The following RDH13 variants were observed in gnomAD, a reference collection of about 807,000 sequenced individuals.
The protein encoded by RDH13 is retinol dehydrogenase 13 (all-trans and 9-cis).
A neutral mutation model predicts 28.3 loss-of-function variants in RDH13; 35 were observed. The ratio of observed to expected loss-of-function variants is 1.24; its 90% confidence interval spans 0.95 to 1.64. RDH13 has a LOEUF of 1.64. Among genes scored for constraint, RDH13 ranks in the 40% most tolerant of loss-of-function variants. RDH13 has a pLI of 0.00. For synonymous variants in RDH13, 229 were observed against 198.5 expected, an observed-to-expected ratio of 1.15 and a Z score of -1.29; for missense variants, 514 against 446.3, an observed-to-expected ratio of 1.15 and a Z score of -1.37.
At chr19:55,061,848 T>A (rs2075816960) in intron 1 of RDH13, among the ~76,000 whole-genome samples, 1 of 150,608 alleles carries the variant, frequency 6.6e-6, no homozygotes, top group African/African-American at 2.4e-5. Flanking sequence ...CCGGGCACGG[T>A]GGCTCACGCC....
intron 2 of RDH13, among the ~76,000 whole-genome samples, chr19:55,057,525 TG>T (rs2075677307): frequency 6.6e-6 from 1 of 151,006 alleles, no homozygotes; most frequent in East Asian, 2.0e-4. Flanking sequence ...CTCCACCTCC[TG>T]GGTTCAAGCA....
Position 55,044,691 on chromosome 19 carries a change from A to C in RDH13, c.*383T>G. On this transcript the variant is annotated 3_prime_UTR_variant, in exon 7 of 7. Transcript: ENST00000415061. The stretch of plus-strand genomic sequence containing the variant: ...TCCCACAGGGACCCAAGAATCCACC[A>C]AGTGTCAGACAACTTGCCCATGCTC... The C allele has an allele frequency of 4.3e-6, 1 of 233,614 alleles. No homozygotes were observed. The allele number at this position is 233,614 out of a possible 1,614,324, so 14.5% of individuals were successfully genotyped here. A position where few individuals can be genotyped will look rare whatever the true frequency, so the allele number is the denominator to read the frequency against.
intron 3 of RDH13, among the ~76,000 whole-genome samples, chr19:55,049,055 C>T (rs186067232): frequency 1.6e-3 from 238 of 152,214 alleles, no homozygotes; most frequent in Middle Eastern, 3.4e-3. Context: ...GGGCCGCCCC[C>T]GCTGGAAGTG....
At position 55,060,201 on chromosome 19, in the gene RDH13, C is replaced by G. The variant is rs1030954348; in HGVS notation, c.66-926G>C. Among the ~76,000 whole-genome samples, 51 of 140,014 alleles carry G rather than the reference C, an allele frequency of 3.6e-4. 1 individual carries two copies. Among genetic ancestry groups the G allele is most frequent in the African/African-American group, 1.3e-3 (48 of 37,980 alleles). 91.9% of individuals were successfully genotyped at this position (140,014 alleles called of 152,430 possible). ...AGAGAGGAAGGCCACTGTCTCCTGCCTGACCCTGGGAACTGAATGTCTCGG... is the reference window on the plus strand; with the variant it reads ...AGAGAGGAAGGCCACTGTCTCCTGCGTGACCCTGGGAACTGAATGTCTCGG... On this transcript the variant is annotated intron_variant, in intron 1 of 6. Transcript: ENST00000415061.
chr19:55,041,160 G>A (rs949369346), downstream of RDH13: 1 of 152,152 alleles, frequency 6.6e-6, no homozygotes, highest in African/African-American at 2.4e-5. Flanking sequence ...GTTTTTTGTA[G>A]AGTTGGGGTT....
chr19:55,063,169 C>G, upstream of RDH13: 1 of 780,304 alleles, frequency 1.3e-6, no homozygotes, highest in African/African-American at 1.8e-5. Context: ...GGGCCCGCGT[C>G]CGGAACTGGG....
rs1303290349 is a variant in RDH13 at position 55,056,770 on chromosome 19, A to AC, written c.222dup (p.Cys75ValfsTer2). ...CGGATGTCCTTTGCTGCCGCCTCAC[A>AC]CTTCTCCATGTCTCGGCAGGCCAGG... On this transcript the variant is annotated frameshift_variant, in exon 3 of 7. Transcript: ENST00000415061. LOFTEE classifies it high-confidence loss of function. 4.3e-6 allele frequency: 7 copies of AC among 1,613,744 alleles called. No homozygotes were observed. The highest frequency in any genetic ancestry group is 5.9e-6 in the Non-Finnish European group (7 of 1,179,988).
downstream of RDH13, chr19:55,041,941 T>C (rs1385060961): frequency 2.0e-5 from 3 of 152,086 alleles, no homozygotes; most frequent in African/African-American, 7.2e-5. Flanking sequence ...CCTTTGACTT[T>C]CCTTGATATG....
At chr19:55,047,576 G>T in intron 5 of RDH13, 88 bp from the exon 6 acceptor site, 1 of 1,493,590 alleles carries the variant, frequency 6.7e-7, no homozygotes, top group Non-Finnish European at 8.9e-7. Context: ...TGGGGCTTCC[G>T]GGCACCAGGC....
downstream of RDH13, among the ~76,000 whole-genome samples, chr19:55,043,469 A>C (rs2075097765): frequency 6.6e-6 from 1 of 151,720 alleles, no homozygotes; most frequent in Non-Finnish European, 1.5e-5. Flanking sequence ...GGATCACCTG[A>C]GGTCAGGAGT....
chr19:55,057,933 G>A (rs1185227208), intron 2 of RDH13, among the ~76,000 whole-genome samples: 1 of 151,404 alleles, frequency 6.6e-6, no homozygotes, highest in African/African-American at 2.4e-5. Flanking sequence ...TACCACCTGT[G>A]CCAGCATGCC....
downstream of RDH13, chr19:55,041,388 A>C (rs1454411987): frequency 6.6e-6 from 1 of 152,402 alleles, no homozygotes; most frequent in East Asian, 1.9e-4. Flanking sequence ...GAAGCCAAGG[A>C]CACTGCTCAG....
rs200613151 is a variant in RDH13, at chr19:55,056,762, C to T, written c.231G>A (p.Ala77=). Residue 77 remains alanine (A), a synonymous_variant, in exon 3 of 7, where the codon GCG becomes GCA. Transcript: ENST00000415061. ...LACRDMEKCE[A]AAKDIRGETL... ...TCTCCCCGCGGATGTCCTTTGCTGC[C>T]GCCTCACACTTCTCCATGTCTCGGC... The T allele has an allele frequency of 6.2e-6, 10 of 1,614,040 alleles. No homozygotes were observed. Among genetic ancestry groups the T allele is most frequent in the Middle Eastern group, 1.6e-4 (1 of 6,062 alleles).
intron 1 of RDH13, among the ~76,000 whole-genome samples, chr19:55,060,769 G>A (rs2075784911): frequency 6.6e-6 from 1 of 152,140 alleles, no homozygotes; most frequent in Non-Finnish European, 1.5e-5. Flanking sequence ...GGAAGGCGGA[G>A]GTTGCAGTGA....
rs761882916 is a variant in RDH13 at position 55,047,503 on chromosome 19, AAG to A, written c.659-17_659-16del. The A allele has an allele frequency of 8.1e-5, 130 of 1,598,884 alleles. No homozygotes were observed. The highest frequency in any genetic ancestry group is 1.1e-4 in the Non-Finnish European group (126 of 1,177,754). ...CACACCAGAGCCTGGGGAAGAAAGA[AAG>A]AGAAGACTGAGGGAGGGGTCCAGCC... On this transcript the variant is annotated splice_polypyrimidine_tract_variant and intron_variant, in intron 5 of 6. Transcript: ENST00000415061.
intron 1 of RDH13, chr19:55,068,619 A>T (rs2065746689): frequency 6.6e-6 from 1 of 151,300 alleles, no homozygotes; most frequent in Non-Finnish European, 1.5e-5. Flanking sequence ...GCAGATCACG[A>T]GGTCAGGAGA....
At chr19:55,068,801 A>C (rs1011578751) in intron 1 of RDH13, 6 of 143,796 alleles carry the variant, frequency 4.2e-5, no homozygotes, top group Non-Finnish European at 7.6e-5. Context: ...GCGCCACTGC[A>C]CTCCAGCCTG....
downstream of RDH13, chr19:55,042,056 T>G (rs2075045777): frequency 6.9e-6 from 1 of 144,880 alleles, no homozygotes; most frequent in Non-Finnish European, 1.5e-5. Context: ...GATGACCCCC[T>G]CACCTCTGAC....
chr19:55,047,516 G>A (rs1322905275), intron 5 of RDH13, 28 bp from the exon 6 acceptor site: 8 of 1,587,964 alleles, frequency 5.0e-6, no homozygotes, highest in Non-Finnish European at 6.8e-6. Flanking sequence ...AGAAGACTGA[G>A]GGAGGGGTCC....
Sources: allele counts gnomAD v4.1 joint callset (sites outside exome capture counted in the v4.1 genomes callset), GRCh38; gene constraint gnomAD v4.1.1; transcripts MANE v1.5; gene names NCBI Gene and HGNC (gene_info 2026-07-23, HGNC 2026-07-21).